The following CDH12 variants were observed in gnomAD, a reference collection of about 807,000 sequenced individuals.
The protein encoded by CDH12 is cadherin-12.
A neutral mutation model predicts 74.1 loss-of-function variants in CDH12; 41 were observed. The observed-to-expected ratio is 0.55, with a 90% CI of 0.43 to 0.72. CDH12 has a LOEUF of 0.72. Among genes scored for constraint, CDH12 ranks in the 30% least tolerant of loss-of-function variants. CDH12 has a pLI of 0.00. For missense variants in CDH12, 945 were observed against 977.2 expected (o/e 0.97, Z 0.44); for synonymous variants, 399 against 355.0 (o/e 1.12, Z -1.39).
intron 5 of CDH12, among the ~76,000 whole-genome samples, chr5:22,040,680 T>C (rs1462167230): frequency 1.3e-5 from 2 of 152,098 alleles, no homozygotes; most frequent in Admixed American, 6.5e-5. Flanking sequence ...GATAAAAACA[T>C]GCGTGTCAAG....
intron 8 of CDH12, among the ~76,000 whole-genome samples, chr5:21,829,427 C>T (rs375825234): frequency 2.5e-3 from 376 of 152,288 alleles, no homozygotes; most frequent in Non-Finnish European, 3.9e-3. Context: ...ATAATTTTTT[C>T]ATCCTCTATA....
At chr5:22,231,471 T>C (rs1456933957) in intron 3 of CDH12, among the ~76,000 whole-genome samples, 2 of 151,978 alleles carry the variant, frequency 1.3e-5, no homozygotes, top group Admixed American at 1.3e-4. Context: ...TAAAATTAAA[T>C]GAAAAAGATA....
intron 2 of CDH12, among the ~76,000 whole-genome samples, chr5:22,455,140 G>T (rs1478778793): frequency 6.6e-6 from 1 of 152,192 alleles, no homozygotes; most frequent in Non-Finnish European, 1.5e-5. Context: ...TATGTTGGCT[G>T]TGAATGAAAC....
chr5:22,017,655 T>C (rs1337275568), intron 5 of CDH12, among the ~76,000 whole-genome samples: 1 of 152,092 alleles, frequency 6.6e-6, no homozygotes, highest in African/African-American at 2.4e-5. Context: ...AAGAATGGCA[T>C]GCAGCTAGAG....
chr5:22,227,808 C>G (rs935422258), intron 3 of CDH12, among the ~76,000 whole-genome samples: 3 of 152,132 alleles, frequency 2.0e-5, no homozygotes, highest in Non-Finnish European at 2.9e-5. Flanking sequence ...GTGTCTGAAA[C>G]AAGAATCCCT....
intron 1 of CDH12, among the ~76,000 whole-genome samples, chr5:22,758,424 C>CA (rs1412235795): frequency 1.3e-5 from 2 of 151,880 alleles, no homozygotes; most frequent in African/African-American, 2.4e-5. Flanking sequence ...TGCCACCCCA[C>CA]AAAAAAGCAA....
intron 2 of CDH12, among the ~76,000 whole-genome samples, chr5:22,477,046 C>T (rs1010705050): frequency 2.6e-5 from 4 of 152,094 alleles, no homozygotes; most frequent in Admixed American, 1.3e-4. Flanking sequence ...CGTATCTCAA[C>T]GGTTATACAC....
intron 1 of CDH12, among the ~76,000 whole-genome samples, chr5:22,590,194 C>A (rs1198369764): frequency 1.3e-5 from 2 of 152,118 alleles, no homozygotes; most frequent in Non-Finnish European, 2.9e-5. Context: ...TTACATTAGT[C>A]TTCAGGTAGC....
At chr5:22,686,295 T>C (rs1273726877) in intron 1 of CDH12, among the ~76,000 whole-genome samples, 2 of 152,152 alleles carry the variant, frequency 1.3e-5, no homozygotes, top group Non-Finnish European at 2.9e-5. Context: ...TTATCATGTA[T>C]TTGATTTAAA....
chr5:22,386,506 G>A (rs1580593767), intron 3 of CDH12, among the ~76,000 whole-genome samples: 2 of 152,010 alleles, frequency 1.3e-5, no homozygotes, highest in African/African-American at 2.4e-5. Flanking sequence ...CTTGAATAAA[G>A]TCTTTCTTGC....
Position 22,489,056 on chromosome 5 carries a change from C to CTTTTTTTTTTTTTTTTTT in CDH12, c.-428+16196_-428+16213dup, listed in dbSNP as rs10685463. On this transcript the variant is annotated intron_variant, in intron 2 of 14. Transcript: ENST00000382254. The stretch of plus-strand genomic sequence containing the variant: ...AGTAATTGCAGTTTTTTGGTACCAC[C>CTTTTTTTTTTTTTTTTTT]TTTTTTTTTTTTTTTTTTTGAGACA... 2.3e-3 allele frequency among the ~76,000 whole-genome samples: 87 copies of CTTTTTTTTTTTTTTTTTT among 37,316 alleles called. 31 individuals carry two copies. Among genetic ancestry groups the CTTTTTTTTTTTTTTTTTT allele is most frequent in the East Asian group, 4.4e-3 (8 of 1,828 alleles). 24.5% of individuals were successfully genotyped at this position (37,316 alleles called of 152,430 possible). A position where few individuals can be genotyped will look rare whatever the true frequency, so the allele number is the denominator to read the frequency against.
At chr5:22,650,965 T>C (rs951169784) in intron 1 of CDH12, among the ~76,000 whole-genome samples, 1 of 152,062 alleles carries the variant, frequency 6.6e-6, no homozygotes, top group Admixed American at 6.6e-5. Flanking sequence ...TTTTTATTGT[T>C]ACTATTCCTA....
chr5:22,053,189 G>T (rs761189484), intron 5 of CDH12, among the ~76,000 whole-genome samples: 1 of 151,796 alleles, frequency 6.6e-6, no homozygotes, highest in Non-Finnish European at 1.5e-5. Context: ...CTGCTCCAAA[G>T]CTCTTCACTT....
At chr5:22,796,589 G>C (rs1748230253) in intron 1 of CDH12, among the ~76,000 whole-genome samples, 1 of 96,270 alleles carries the variant, frequency 1.0e-5, no homozygotes, top group African/African-American at 5.4e-5. Flanking sequence ...GCGGGATCTC[G>C]GCTCACTGCA....
intron 1 of CDH12, among the ~76,000 whole-genome samples, chr5:22,801,684 T>TATATAC (rs1561041162): frequency 5.6e-5 from 5 of 89,268 alleles, no homozygotes; most frequent in South Asian, 3.4e-4. Context: ...TATATATATA[T>TATATAC]ACACTTTGTT....
chr5:22,700,459 C>A (rs1742657950), intron 1 of CDH12, among the ~76,000 whole-genome samples: 1 of 152,158 alleles, frequency 6.6e-6, no homozygotes, highest in African/African-American at 2.4e-5. Context: ...TGATGTATTA[C>A]TTTACCTCTT....
chr5:21,786,309 A>G (rs917102843), intron 10 of CDH12, among the ~76,000 whole-genome samples: 1 of 152,184 alleles, frequency 6.6e-6, no homozygotes, highest in Admixed American at 6.5e-5. Flanking sequence ...GCATGCCACT[A>G]CGCCTGGCTA....
At chr5:22,531,153 C>T (rs185553620) in intron 1 of CDH12, among the ~76,000 whole-genome samples, 1 of 152,058 alleles carries the variant, frequency 6.6e-6, no homozygotes, top group African/African-American at 2.4e-5. Flanking sequence ...CCAAAATGGA[C>T]CACAATATGC....
chr5:22,780,930 A>G (rs1230214625), intron 1 of CDH12, among the ~76,000 whole-genome samples: 1 of 152,156 alleles, frequency 6.6e-6, no homozygotes, highest in East Asian at 1.9e-4. Context: ...CTGAAACACA[A>G]TCATTACTGA....
Sources: allele counts gnomAD v4.1 joint callset (sites outside exome capture counted in the v4.1 genomes callset), GRCh38; gene constraint gnomAD v4.1.1; transcripts MANE v1.5; gene names NCBI Gene and HGNC (gene_info 2026-07-23, HGNC 2026-07-21).